Variants in MMS22L observed in about 807,000 individuals in gnomAD.
The protein encoded by MMS22L is protein MMS22-like.
In MMS22L, 74 loss-of-function variants were observed where a neutral mutation model predicts 159.1. The observed-to-expected ratio is 0.47, with a 90% CI of 0.39 to 0.56. MMS22L has a LOEUF of 0.56. MMS22L is among the 20% of genes least tolerant of loss of function. MMS22L has a pLI of 0.00. For synonymous variants in MMS22L, 517 were observed against 506.9 expected, an observed-to-expected ratio of 1.02 and a Z score of -0.27; for missense variants, 1,351 against 1,422.1, an observed-to-expected ratio of 0.95 and a Z score of 0.80.
At chr6:97,199,646 G>A (rs1379009088) in intron 14 of MMS22L, among the ~76,000 whole-genome samples, 1 of 151,134 alleles carries the variant, frequency 6.6e-6, no homozygotes, top group African/African-American at 2.4e-5. Context: ...AGTGACCATT[G>A]CCAATTGTGT....
rs946597889 is a variant in MMS22L at position 97,149,737 on chromosome 6, A to C, written c.3650+116T>G. 3 of 1,037,660 alleles carry C rather than the reference A, an allele frequency of 2.9e-6. No individual in the cohort carries two copies. In the African/African-American group the frequency reaches 4.9e-5, roughly 17 times the overall value. The allele number at this position is 1,037,660 out of a possible 1,614,324, so 64.3% of individuals were successfully genotyped here. A position where few individuals can be genotyped will look rare whatever the true frequency, so the allele number is the denominator to read the frequency against. On this transcript the variant is annotated intron_variant, in intron 24 of 24. Coordinates refer to ENST00000683635, the MANE Select transcript of MMS22L (RefSeq NM_001350599.2). ...TAATCACAGTACTGAAACATTTTTC[A>C]TCTCAAAAGAACATACCCAAATTTT...
intron 10 of MMS22L, among the ~76,000 whole-genome samples, chr6:97,249,191 CG>C (rs1812979504): frequency 1.3e-5 from 2 of 152,144 alleles, no homozygotes; most frequent in South Asian, 4.1e-4. Flanking sequence ...AGTGGGCACC[CG>C]TTTTGCAACA....
At chr6:97,183,869 T>C (rs1030014849) in intron 15 of MMS22L, among the ~76,000 whole-genome samples, 4 of 152,308 alleles carry the variant, frequency 2.6e-5, no homozygotes, top group Admixed American at 6.5e-5. Flanking sequence ...ATTTTAAATA[T>C]ACTGAAATGT....
At chr6:97,155,472 C>T (rs1021850518) in intron 22 of MMS22L, among the ~76,000 whole-genome samples, 5 of 152,144 alleles carry the variant, frequency 3.3e-5, no homozygotes, top group Admixed American at 3.3e-4. Flanking sequence ...CAGTCCCCCA[C>T]CTCCTGACAG....
Position 97,272,714 on chromosome 6 carries a change from T to C in MMS22L, c.596A>G (p.Asn199Ser). ...TGAAACAAGTCAAACCTTAATCTGG[T>C]TTTGATTTACAAATGCTCCTATATT... The part of the protein sequence containing the change: ...SVNIGAFVNQ[N>S]QIKLFPPSWH... The change falls in exon 6 of 25, where the codon AAC (asparagine) becomes AGC (serine). Residue 199 changes from asparagine (N) to serine (S), a missense_variant. Physicochemically the swap from Asn to Ser is conservative, Grantham distance 46 (BLOSUM62 1). Transcript: ENST00000683635. 1 of 1,608,494 alleles carries C rather than the reference T, an allele frequency of 6.2e-7. No homozygotes were observed. The highest frequency in any genetic ancestry group is 1.1e-5 in the South Asian group (1 of 89,198).
At chr6:97,217,873 A>C (rs959465715) in intron 14 of MMS22L, among the ~76,000 whole-genome samples, 1 of 152,088 alleles carries the variant, frequency 6.6e-6, no homozygotes, top group Non-Finnish European at 1.5e-5. Flanking sequence ...AAATTGTTTT[A>C]TTGATTATTT....
At chr6:97,220,311 C>A (rs1809492394) in intron 14 of MMS22L, among the ~76,000 whole-genome samples, 1 of 152,066 alleles carries the variant, frequency 6.6e-6, no homozygotes, top group South Asian at 2.1e-4. Flanking sequence ...GCTTTAAAGA[C>A]CATGATAAGA....
At chr6:97,265,297 A>G (rs925008366) in intron 8 of MMS22L, 2 of 152,236 alleles carry the variant, frequency 1.3e-5, no homozygotes, top group African/African-American at 2.4e-5. Flanking sequence ...ACAACTGGAT[A>G]TCCACATACA....
chr6:97,193,243 C>T (rs1212684074), intron 14 of MMS22L, among the ~76,000 whole-genome samples: 2 of 152,096 alleles, frequency 1.3e-5, no homozygotes, highest in Non-Finnish European at 2.9e-5. Context: ...CCAAAATTGA[C>T]TTAGTTTGCA....
chr6:97,183,520 A>C (rs1212152843), intron 15 of MMS22L, among the ~76,000 whole-genome samples: 1 of 152,114 alleles, frequency 6.6e-6, no homozygotes, highest in African/African-American at 2.4e-5. Context: ...ACATTTCCCT[A>C]GTCCATTCAG....
intron 14 of MMS22L, among the ~76,000 whole-genome samples, chr6:97,204,120 GTTGT>G (rs1807489846): frequency 6.6e-6 from 1 of 152,034 alleles, no homozygotes; most frequent in Non-Finnish European, 1.5e-5. Context: ...AAAAGTTGTT[GTTGT>G]TTATTAAACA....
intron 19 of MMS22L, among the ~76,000 whole-genome samples, chr6:97,170,578 G>C (rs11757657): frequency 8.6e-5 from 13 of 151,764 alleles, no homozygotes; most frequent in African/African-American, 1.9e-4. Flanking sequence ...ACAAGCTCTT[G>C]AGTATTTACT....
intron 9 of MMS22L, among the ~76,000 whole-genome samples, chr6:97,257,414 G>C (rs879845880): frequency 2.0e-5 from 3 of 152,064 alleles, no homozygotes; most frequent in Non-Finnish European, 4.4e-5. Context: ...GATATTTTTA[G>C]AGTATACCAG....
At chr6:97,224,779 A>T (rs1192452032) in intron 14 of MMS22L, among the ~76,000 whole-genome samples, 2 of 150,892 alleles carry the variant, frequency 1.3e-5, no homozygotes, top group Non-Finnish European at 3.0e-5. Flanking sequence ...TGGTTTAGTT[A>T]TCTGTAAACT....
chr6:97,216,876 C>A (rs1286418937), intron 14 of MMS22L, among the ~76,000 whole-genome samples: 2 of 152,190 alleles, frequency 1.3e-5, no homozygotes, highest in East Asian at 3.8e-4. Flanking sequence ...GAGAAATATT[C>A]CAGTGGCTGG....
intron 1 of MMS22L, 110 bp from the exon 2 acceptor site, chr6:97,282,663 T>G (rs1816868946): frequency 2.3e-5 from 11 of 469,004 alleles, no homozygotes; most frequent in East Asian, 4.0e-5. Flanking sequence ...GAGGCCAAAT[T>G]CCCAATTCCC....
At chr6:97,257,054 G>GT (rs1415640649) in intron 9 of MMS22L, among the ~76,000 whole-genome samples, 3 of 152,086 alleles carry the variant, frequency 2.0e-5, no homozygotes, top group Non-Finnish European at 4.4e-5. Context: ...ATCTGGGTGT[G>GT]TTTTTTCTTT....
chr6:97,278,958 T>TA, intron 3 of MMS22L, 60 bp from the exon 4 acceptor site: 1 of 1,414,048 alleles, frequency 7.1e-7, no homozygotes, highest in Admixed American at 1.8e-5. Flanking sequence ...ATGTAACAAT[T>TA]ACGTGGACAA....
chr6:97,179,362 T>C (rs762963012), intron 17 of MMS22L, 46 bp downstream of exon 17: 2 of 1,547,774 alleles, frequency 1.3e-6, no homozygotes, highest in Admixed American at 3.7e-5. Context: ...GCAAATAGCT[T>C]TCCATAGATA....
Sources: gnomAD v4.1 joint callset for allele counts (sites outside exome capture counted in the v4.1 genomes callset) on GRCh38, gnomAD v4.1.1 for gene constraint, MANE v1.5 for transcripts, NCBI Gene and HGNC (gene_info 2026-07-23, HGNC 2026-07-21) for gene names.